DMTF1: variants seen among roughly 807,000 people sequenced by gnomAD.
The protein encoded by DMTF1 is cyclin D binding myb like transcription factor 1.
In DMTF1, 39 loss-of-function variants were observed where a neutral mutation model predicts 91.1. The observed-to-expected ratio is 0.43, with a 90% confidence interval of 0.33 to 0.56. The LOEUF is 0.56. Among genes scored for constraint, DMTF1 ranks in the 20% least tolerant of loss-of-function variants. The pLI, the probability that DMTF1 is intolerant of heterozygous loss-of-function variation, is 0.05. For synonymous variants in DMTF1, 338 were observed against 309.5 expected, an observed-to-expected ratio of 1.09 and a Z score of -0.97; for missense variants, 750 against 914.5, an observed-to-expected ratio of 0.82 and a Z score of 2.32.
At chr7:87,189,149 A>G (rs768815895) in intron 13 of DMTF1, among the ~76,000 whole-genome samples, 3 of 152,164 alleles carry the variant, frequency 2.0e-5, no homozygotes, top group Non-Finnish European at 4.4e-5. Context: ...AGTACATGCC[A>G]GTCATTATGA....
At chr7:87,163,112 TA>T (rs1792908529) in intron 1 of DMTF1, 1 of 152,130 alleles carries the variant, frequency 6.6e-6, no homozygotes, top group Non-Finnish European at 1.5e-5. Flanking sequence ...AAAGGAAAAC[TA>T]TAGTTACTAA....
rs747488345 is a variant in DMTF1 at position 87,195,353 on chromosome 7, G to C, written c.*213G>C. The C allele has an allele frequency of 1.2e-5, 5 of 413,030 alleles. No homozygotes were observed. Among genetic ancestry groups the C allele is most frequent in the Non-Finnish European group, 2.2e-5 (5 of 230,760 alleles). The allele number at this position is 413,030 out of a possible 1,614,324, so 25.6% of individuals were successfully genotyped here. A position where few individuals can be genotyped will look rare whatever the true frequency, so the allele number is the denominator to read the frequency against. On this transcript the variant is annotated 3_prime_UTR_variant, in exon 18 of 18. Transcript: ENST00000331242. Reference sequence around the variant, plus strand: ...TTATGACAGTATGTAGTTGAGTGGAGGCTGGGAGTTTTAAGCATAAATCCC... The same window carrying C: ...TTATGACAGTATGTAGTTGAGTGGACGCTGGGAGTTTTAAGCATAAATCCC...
At chr7:87,181,812 G>A (rs1284071782) in intron 9 of DMTF1, among the ~76,000 whole-genome samples, 1 of 152,164 alleles carries the variant, frequency 6.6e-6, no homozygotes, top group Non-Finnish European at 1.5e-5. Context: ...TTAATGAATT[G>A]TATGGATCAT....
intron 1 of DMTF1, among the ~76,000 whole-genome samples, chr7:87,158,284 T>C (rs1245602223): frequency 6.6e-6 from 1 of 152,054 alleles, no homozygotes; most frequent in Non-Finnish European, 1.5e-5. Flanking sequence ...AACTCAATGA[T>C]TAAAATAATT....
At chr7:87,177,094 G>A (rs1197878409) in intron 7 of DMTF1, among the ~76,000 whole-genome samples, 1 of 152,080 alleles carries the variant, frequency 6.6e-6, no homozygotes, top group African/African-American at 2.4e-5. Flanking sequence ...GAAATTTTTT[G>A]CTGTGAAGTT....
chr7:87,178,137 TC>T, intron 7 of DMTF1, among the ~76,000 whole-genome samples: 1 of 152,274 alleles, frequency 6.6e-6, no homozygotes, highest in African/African-American at 2.4e-5. Context: ...TTTAGTTAGT[TC>T]CTCTTCAGTA....
intron 12 of DMTF1, chr7:87,186,506 C>G (rs1798473438): frequency 6.5e-6 from 1 of 153,260 alleles, no homozygotes; most frequent in African/African-American, 2.4e-5. Flanking sequence ...AGCTTGGCTT[C>G]CCAATGTGCT....
At chr7:87,168,640 C>CAT (rs1442124205) in intron 4 of DMTF1, among the ~76,000 whole-genome samples, 5 of 152,152 alleles carry the variant, frequency 3.3e-5, no homozygotes, top group African/African-American at 9.7e-5. Context: ...TTGGTGAACT[C>CAT]ATAACTGTCT....
intron 1 of DMTF1, among the ~76,000 whole-genome samples, chr7:87,159,787 C>T (rs1039572226): frequency 3.9e-5 from 6 of 152,076 alleles, no homozygotes; most frequent in Non-Finnish European, 5.9e-5. Flanking sequence ...ACCTGTACAG[C>T]GTGTTACTGT....
intron 7 of DMTF1, among the ~76,000 whole-genome samples, chr7:87,177,319 T>G (rs765514336): frequency 1.3e-5 from 2 of 152,174 alleles, no homozygotes; most frequent in Non-Finnish European, 2.9e-5. Context: ...ATTATTCATT[T>G]GTACCAATCT....
chr7:87,185,985 TG>T lies in DMTF1; in HGVS notation c.1201+6del, dbSNP rs781489277. The stretch of plus-strand genomic sequence containing the variant: ...ATAAGGATGTTTCGTTCCCTGGTAA[TG>T]TATTACTTACTTTTTAAGCTCCTCC... On this transcript the variant is annotated splice_donor_region_variant and intron_variant, in intron 12 of 17. Transcript: ENST00000331242. The T allele has an allele frequency of 7.6e-5, 123 of 1,613,702 alleles. No individual in the cohort carries two copies. The East Asian group carries it at 2.4e-3, about 31-fold the overall frequency.
intron 1 of DMTF1, among the ~76,000 whole-genome samples, chr7:87,155,088 G>A (rs996441916): frequency 6.6e-6 from 1 of 152,198 alleles, no homozygotes; most frequent in Admixed American, 6.5e-5. Flanking sequence ...CTGTGAGGAT[G>A]AATGGGATAA....
chr7:87,173,449 A>T, intron 5 of DMTF1, 86 bp from the exon 6 acceptor site: 3 of 741,534 alleles, frequency 4.0e-6, no homozygotes, highest in Non-Finnish European at 6.6e-6. Context: ...TTAGCATTAC[A>T]AAGATGAATC....
At chr7:87,168,571 G>T (rs1794356473) in intron 4 of DMTF1, among the ~76,000 whole-genome samples, 1 of 151,898 alleles carries the variant, frequency 6.6e-6, no homozygotes, top group Non-Finnish European at 1.5e-5. Flanking sequence ...TTACTTTTAT[G>T]GTTAATCATT....
chr7:87,173,677 C>T (rs753677679), intron 6 of DMTF1, 28 bp downstream of exon 6: 2 of 1,464,300 alleles, frequency 1.4e-6, no homozygotes, highest in East Asian at 2.3e-5. Context: ...ATTTTAGTGC[C>T]TAGTGAAAAA....
chr7:87,173,907 T>C (rs1795668769), intron 6 of DMTF1, among the ~76,000 whole-genome samples: 1 of 152,204 alleles, frequency 6.6e-6, no homozygotes, highest in Admixed American at 6.5e-5. Flanking sequence ...AACAAATGCA[T>C]AGTGGTGGCA....
At chr7:87,194,849 C>T (rs1046986742) in intron 17 of DMTF1, 21 bp downstream of exon 17, 3 of 1,580,976 alleles carry the variant, frequency 1.9e-6, no homozygotes, top group Non-Finnish European at 8.6e-7. Context: ...ATAATACTTA[C>T]TATGTGCCTG....
intron 11 of DMTF1, 73 bp downstream of exon 11, chr7:87,184,698 T>A: frequency 7.6e-7 from 1 of 1,319,402 alleles, no homozygotes; most frequent in Admixed American, 1.9e-5. Context: ...TTTCCTCTTT[T>A]GGTTTTCCTG....
At position 87,182,209 on chromosome 7, in the gene DMTF1, T is replaced by C; in HGVS notation, c.711-19T>C. 6.2e-7 allele frequency: 1 copy of C among 1,613,974 alleles called. No individual in the cohort carries two copies. The highest frequency in any genetic ancestry group is 8.5e-7 in the Non-Finnish European group (1 of 1,179,914). On this transcript the variant is annotated intron_variant, in intron 9 of 17. Transcript: ENST00000331242. ...GAAAACAATTGAACCAAATGCTGAT[T>C]GGCAGACTCTTGTTTTAGGCTCCGG...
Sources: allele counts gnomAD v4.1 joint callset (sites outside exome capture counted in the v4.1 genomes callset), GRCh38; gene constraint gnomAD v4.1.1; transcripts MANE v1.5; gene names NCBI Gene and HGNC (gene_info 2026-07-23, HGNC 2026-07-21).